Variants in INPP5A observed in about 807,000 individuals in gnomAD.
The protein encoded by INPP5A is 43 kDa inositol polyphosphate 5-phophatase.
In INPP5A, 14 loss-of-function variants were observed where a neutral mutation model predicts 65.2. The ratio of observed to expected loss-of-function variants is 0.21; its 90% confidence interval spans 0.14 to 0.34. The LOEUF (loss-of-function observed/expected upper bound fraction) is 0.34. INPP5A is among the 10% of genes least tolerant of loss of function. The pLI is 1.00. For missense variants in INPP5A, 431 were observed against 545.6 expected, an observed-to-expected ratio of 0.79 and a Z score of 2.09; for synonymous variants, 207 against 208.3, an observed-to-expected ratio of 0.99 and a Z score of 0.05.
chr10:132,702,829 T>C (rs1433392637), intron 6 of INPP5A, among the ~76,000 whole-genome samples: 1 of 152,162 alleles, frequency 6.6e-6, no homozygotes, highest in East Asian at 1.9e-4. Context: ...TAGCAGAGGA[T>C]GTGGACAGCG....
At chr10:132,645,798 A>AG in intron 2 of INPP5A, 70 bp from the exon 3 acceptor site, 2 of 1,210,184 alleles carry the variant, frequency 1.7e-6, no homozygotes, top group South Asian at 1.3e-5. Context: ...GGGGCGGTGG[A>AG]GGGGGTGGTG....
chr10:132,691,817 C>T (rs1590929763), intron 5 of INPP5A, among the ~76,000 whole-genome samples: 2 of 147,686 alleles, frequency 1.4e-5, no homozygotes, highest in Admixed American at 6.8e-5. Context: ...GACGTGCGGT[C>T]GCGGGAGACG....
At chr10:132,601,112 G>GTGGGAAT (rs2071771237) in intron 1 of INPP5A, among the ~76,000 whole-genome samples, 1 of 152,124 alleles carries the variant, frequency 6.6e-6, no homozygotes. Context: ...GTGCACAAGG[G>GTGGGAAT]TCCCATTTCT....
chr10:132,743,157 G>A (rs1320606115), intron 9 of INPP5A, among the ~76,000 whole-genome samples: 1 of 137,952 alleles, frequency 7.2e-6, no homozygotes, highest in Admixed American at 7.1e-5. Context: ...CTCAGCCCCA[G>A]CAGGGACTGG....
intron 7 of INPP5A, among the ~76,000 whole-genome samples, chr10:132,709,064 A>G (rs1319996862): frequency 6.6e-6 from 1 of 151,596 alleles, no homozygotes; most frequent in Non-Finnish European, 1.5e-5. Flanking sequence ...ACGAGGTCAT[A>G]GCTGTGAGTG....
chr10:132,749,666 G>A (rs918559902), intron 10 of INPP5A, 54 bp downstream of exon 10: 2 of 1,600,456 alleles, frequency 1.2e-6, no homozygotes, highest in Non-Finnish European at 1.7e-6. Context: ...GCAGGACTCT[G>A]CAGCTTCCTT....
At position 132,676,878 on chromosome 10, in the gene INPP5A, C is replaced by T. The variant is rs1161746150; in HGVS notation, c.307-13514C>T. 6.6e-6 allele frequency among the ~76,000 whole-genome samples: 1 copy of T among 152,234 alleles called. No homozygotes were observed. The highest frequency in any genetic ancestry group is 6.5e-5 in the Admixed American group (1 of 15,290). The stretch of plus-strand genomic sequence containing the variant: ...CTGGCTCCAGCTCCTCCTTGGCAAG[C>T]TGAGTCTTCCCCAGCTTTGAGGCCC... On this transcript the variant is annotated intron_variant, in intron 4 of 15. Coordinates refer to ENST00000368594, the MANE Select transcript of INPP5A (RefSeq NM_005539.5). The surrounding 1 kb of genome is among the most constrained non-coding windows in gnomAD (Gnocchi z 4.0).
chr10:132,716,834 G>A (rs1181405323), intron 8 of INPP5A, among the ~76,000 whole-genome samples: 2 of 152,236 alleles, frequency 1.3e-5, no homozygotes, highest in Admixed American at 1.3e-4. Flanking sequence ...GCATGAGAGC[G>A]GCGGCTGCCG....
chr10:132,630,526 A>T (rs2072251485), intron 2 of INPP5A, among the ~76,000 whole-genome samples: 1 of 151,922 alleles, frequency 6.6e-6, no homozygotes, highest in Admixed American at 6.6e-5. Context: ...CATGAGGGAA[A>T]GGCTTTCATG....
intron 1 of INPP5A, among the ~76,000 whole-genome samples, chr10:132,589,505 A>G (rs922908646): frequency 3.3e-5 from 5 of 152,206 alleles, no homozygotes; most frequent in Admixed American, 3.3e-4. Flanking sequence ...CTCAGGCCCC[A>G]CTGGCCACAG....
At chr10:132,691,740 C>T (rs972555374) in intron 5 of INPP5A, among the ~76,000 whole-genome samples, 4 of 152,162 alleles carry the variant, frequency 2.6e-5, no homozygotes, top group Admixed American at 2.0e-4. Context: ...GTCCTGAGCA[C>T]GTGGTGCGTC....
intron 1 of INPP5A, among the ~76,000 whole-genome samples, chr10:132,540,904 CTG>C (rs1436554041): frequency 2.0e-5 from 3 of 152,226 alleles, no homozygotes; most frequent in Admixed American, 2.0e-4. Flanking sequence ...GTGGCGGACT[CTG>C]TTTTCCTTTT....
intron 8 of INPP5A, among the ~76,000 whole-genome samples, chr10:132,721,376 G>C (rs1461897013): frequency 1.4e-5 from 2 of 145,178 alleles, no homozygotes; most frequent in Non-Finnish European, 3.0e-5. Context: ...TTAGACAGCT[G>C]TCTTCAGGGT....
intron 9 of INPP5A, among the ~76,000 whole-genome samples, chr10:132,737,929 A>G (rs181361896): frequency 9.7e-4 from 148 of 152,304 alleles, no homozygotes; most frequent in African/African-American, 3.4e-3. Context: ...GATTTTTTCT[A>G]GGAAGTTCAC....
At chr10:132,712,583 TGCGGGTGTATGTGTGC>T (rs1413219572) in intron 8 of INPP5A, among the ~76,000 whole-genome samples, 1 of 151,492 alleles carries the variant, frequency 6.6e-6, no homozygotes, top group Non-Finnish European at 1.5e-5. Flanking sequence ...TGCATGTGAG[TGCGGGTGTATGTGTGC>T]GCGGGTGTGT....
intron 5 of INPP5A, among the ~76,000 whole-genome samples, chr10:132,691,878 G>C (rs551069868): frequency 6.6e-6 from 1 of 150,600 alleles, no homozygotes; most frequent in Non-Finnish European, 1.5e-5. Context: ...CGCGGGAGAC[G>C]TGTGGTCGCG....
At chr10:132,666,686 A>G (rs1356900278) in intron 4 of INPP5A, among the ~76,000 whole-genome samples, 2 of 152,242 alleles carry the variant, frequency 1.3e-5, no homozygotes, top group Non-Finnish European at 2.9e-5. Flanking sequence ...AAATTGTTAC[A>G]CTGTGCTCTT....
At chr10:132,652,038 C>G (rs1211415645) in intron 4 of INPP5A, among the ~76,000 whole-genome samples, 1 of 151,944 alleles carries the variant, frequency 6.6e-6, no homozygotes, top group Non-Finnish European at 1.5e-5. Context: ...CCCCCTTGGT[C>G]CCTCCTCCCT....
chr10:132,636,496 G>T (rs1040068219), intron 2 of INPP5A, among the ~76,000 whole-genome samples: 3 of 152,204 alleles, frequency 2.0e-5, no homozygotes, highest in African/African-American at 7.2e-5. Context: ...CTCAGCATCA[G>T]CAAACTGCAC....
Sources: gnomAD v4.1 joint callset for allele counts (sites outside exome capture counted in the v4.1 genomes callset) on GRCh38, gnomAD v4.1.1 for gene constraint, Gnocchi (gnomAD v3.1) non-coding constraint, MANE v1.5 for transcripts, NCBI Gene and HGNC (gene_info 2026-07-23, HGNC 2026-07-21) for gene names.